The following EXOC4 variants were observed in gnomAD, a reference collection of about 807,000 sequenced individuals.
EXOC4 encodes exocyst complex component 4, also known as SEC8-like 1.
EXOC4 carries 71 observed loss-of-function variants against 107.2 expected under a neutral mutation model. The observed-to-expected ratio is 0.66, with a 90% CI of 0.55 to 0.81. The LOEUF is 0.81. Among genes scored for constraint, EXOC4 ranks in the 30% least tolerant of loss-of-function variants. The probability of loss-of-function intolerance (pLI) is 0.00; values close to 1 mark genes in which losing one functional copy is unlikely to be tolerated. For missense variants in EXOC4, 1,108 were observed against 1,189.6 expected (o/e 0.93, Z 1.01); for synonymous variants, 456 against 441.2 (o/e 1.03, Z -0.42).
At chr7:133,492,537 C>T (rs141718204) in intron 9 of EXOC4, among the ~76,000 whole-genome samples, 1 of 152,250 alleles carries the variant, frequency 6.6e-6, no homozygotes, top group African/African-American at 2.4e-5. Context: ...GTAAGGCTTT[C>T]AGCAGTTTGT....
intron 10 of EXOC4, among the ~76,000 whole-genome samples, chr7:133,803,002 T>C (rs1374590123): frequency 1.3e-5 from 2 of 152,108 alleles, no homozygotes; most frequent in African/African-American, 4.8e-5. Context: ...TGTGAATGCA[T>C]TGAAGTAATG....
At chr7:133,300,258 C>T (rs145240486) in intron 3 of EXOC4, among the ~76,000 whole-genome samples, 12 of 152,328 alleles carry the variant, frequency 7.9e-5, no homozygotes, top group African/African-American at 2.6e-4. Context: ...GGCCTTGCTC[C>T]TGATGCAGCT....
At chr7:133,304,939 A>G (rs2150566692) in intron 3 of EXOC4, among the ~76,000 whole-genome samples, 1 of 152,154 alleles carries the variant, frequency 6.6e-6, no homozygotes, top group East Asian at 1.9e-4. Context: ...TGTCATTTCT[A>G]TTTTCTCTCA....
the EXOC4 span, among the ~76,000 whole-genome samples, chr7:134,080,057 C>T: frequency 6.6e-6 from 1 of 152,198 alleles, no homozygotes; most frequent in African/African-American, 2.4e-5. Context: ...TGTATAGCTG[C>T]AGCCCCTGAC....
At chr7:134,076,843 T>TA in the EXOC4 span, among the ~76,000 whole-genome samples, 2 of 152,184 alleles carry the variant, frequency 1.3e-5, no homozygotes, top group Non-Finnish European at 2.9e-5. Context: ...ATCAATGACT[T>TA]ACAATGGTTG....
At chr7:133,781,254 T>C (rs1270407639) in intron 10 of EXOC4, among the ~76,000 whole-genome samples, 1 of 152,232 alleles carries the variant, frequency 6.6e-6, no homozygotes, top group Non-Finnish European at 1.5e-5. Flanking sequence ...CTGGGTTTTC[T>C]CGTCCATTTC....
intron 13 of EXOC4, among the ~76,000 whole-genome samples, chr7:133,931,703 T>C (rs923511739): frequency 6.6e-6 from 1 of 152,188 alleles, no homozygotes; most frequent in Non-Finnish European, 1.5e-5. Flanking sequence ...TTTGAACTTA[T>C]CACACACCTT....
intron 10 of EXOC4, among the ~76,000 whole-genome samples, chr7:133,770,858 C>T (rs1221071446): frequency 1.3e-5 from 2 of 151,918 alleles, no homozygotes; most frequent in Non-Finnish European, 2.9e-5. Context: ...ACCCTAAGCT[C>T]TCCTGGCATT....
At chr7:133,990,519 G>A (rs570396195) in intron 14 of EXOC4, among the ~76,000 whole-genome samples, 2 of 152,146 alleles carry the variant, frequency 1.3e-5, no homozygotes, top group South Asian at 2.1e-4. Flanking sequence ...GCGCAATCTC[G>A]GCTCACTGCA....
At chr7:133,614,165 A>G (rs1442402178) in intron 9 of EXOC4, among the ~76,000 whole-genome samples, 5 of 152,144 alleles carry the variant, frequency 3.3e-5, no homozygotes, top group Admixed American at 1.3e-4. Context: ...AAAATGCCAC[A>G]AAGGATGTTT....
chr7:133,872,946 C>G (rs192257361), intron 11 of EXOC4, among the ~76,000 whole-genome samples: 82 of 152,324 alleles, frequency 5.4e-4, no homozygotes, highest in African/African-American at 1.9e-3. Context: ...TATCTCTGTT[C>G]TCCTCCGCAG....
intron 10 of EXOC4, among the ~76,000 whole-genome samples, chr7:133,772,501 C>T (rs915259548): frequency 1.3e-5 from 2 of 148,910 alleles, no homozygotes; most frequent in African/African-American, 2.5e-5. Context: ...GCACAATGTG[C>T]ACATGTACCC....
chr7:133,605,330 C>T (rs986621452), intron 9 of EXOC4, among the ~76,000 whole-genome samples: 4 of 151,968 alleles, frequency 2.6e-5, no homozygotes, highest in Non-Finnish European at 5.9e-5. Context: ...TAGAATTGTA[C>T]AATTATCACT....
chr7:133,625,288 C>T lies in EXOC4; in HGVS notation c.1418-4757C>T, dbSNP rs559694084. Among the ~76,000 whole-genome samples the T allele has an allele frequency of 4.6e-5, 7 of 152,314 alleles. No homozygotes were observed. In the South Asian group the frequency reaches 6.2e-4, roughly 14 times the overall value. On this transcript the variant is annotated intron_variant, in intron 9 of 17. Coordinates refer to ENST00000253861, the MANE Select transcript of EXOC4 (RefSeq NM_021807.4). ...ACACTGTACTGAATGCCCTTATCTA[C>T]GTTACTTCCCTTAAACATCACCACA... is the stretch of plus-strand genomic sequence containing the variant.
intron 5 of EXOC4, among the ~76,000 whole-genome samples, chr7:133,346,544 T>G (rs1018299811): frequency 6.6e-6 from 1 of 152,220 alleles, no homozygotes; most frequent in Admixed American, 6.5e-5. Context: ...CTCACATTAT[T>G]TTTAAATGGT....
At chr7:133,742,030 T>A (rs945352432) in intron 10 of EXOC4, among the ~76,000 whole-genome samples, 1 of 152,222 alleles carries the variant, frequency 6.6e-6, no homozygotes, top group African/African-American at 2.4e-5. Flanking sequence ...GTGAATGTGC[T>A]GTTGTTGTTA....
intron 5 of EXOC4, among the ~76,000 whole-genome samples, chr7:133,322,098 CT>C (rs1395946567): frequency 6.6e-6 from 1 of 152,024 alleles, no homozygotes; most frequent in African/African-American, 2.4e-5. Context: ...TGTTTAAGTT[CT>C]TTGTAGATTC....
chr7:133,620,439 T>C (rs1585036756), intron 9 of EXOC4, among the ~76,000 whole-genome samples: 2 of 152,202 alleles, frequency 1.3e-5, no homozygotes, highest in East Asian at 3.9e-4. Context: ...AGTTACCATA[T>C]GACTTAGCAA....
intron 10 of EXOC4, among the ~76,000 whole-genome samples, chr7:133,755,932 T>C (rs2151144816): frequency 6.6e-6 from 1 of 152,330 alleles, no homozygotes; most frequent in East Asian, 1.9e-4. Context: ...TACCAGAGTC[T>C]GCATGGTGGC....
Sources: allele counts gnomAD v4.1 joint callset (sites outside exome capture counted in the v4.1 genomes callset), GRCh38; gene constraint gnomAD v4.1.1; transcripts MANE v1.5; gene names NCBI Gene and HGNC (gene_info 2026-07-23, HGNC 2026-07-21).